Variants in DNER observed in about 807,000 individuals in gnomAD.
DNER encodes the protein delta/notch like EGF repeat containing.
A neutral mutation model predicts 78.2 loss-of-function variants in DNER; 33 were observed. The ratio of observed to expected loss-of-function variants is 0.42; its 90% CI spans 0.32 to 0.56. DNER has a LOEUF of 0.56. Among genes scored for constraint, DNER ranks in the 20% least tolerant of loss-of-function variants. The probability of loss-of-function intolerance (pLI) is 0.11; values close to 1 mark genes in which losing one functional copy is unlikely to be tolerated. For missense variants in DNER, 918 were observed against 975.3 expected (o/e 0.94, Z 0.78); for synonymous variants, 417 against 384.8 (o/e 1.08, Z -0.98).
In DNER at chr2:229,362,604, G is replaced by C. The variant is rs75598853; in HGVS notation, c.2103-3953C>G. 5.1e-3 allele frequency among the ~76,000 whole-genome samples: 777 copies of C among 152,250 alleles called. 5 individuals carry two copies. Among genetic ancestry groups the C allele is most frequent in the Non-Finnish European group, 9.0e-3 (610 of 68,014 alleles). On this transcript the variant is annotated intron_variant, in intron 12 of 12. Coordinates refer to ENST00000341772, the MANE Select transcript of DNER (RefSeq NM_139072.4). ...ATCTCACTAAGCCCAAATTTCTTTT[G>C]CCTATAATGGGGGACTAATGATACA...
At chr2:229,437,688 G>C (rs1375092431) in intron 8 of DNER, among the ~76,000 whole-genome samples, 2 of 152,076 alleles carry the variant, frequency 1.3e-5, no homozygotes, top group Non-Finnish European at 2.9e-5. Flanking sequence ...CAGTCTTGTG[G>C]GAAGGCGTGC....
chr2:229,589,630 T>C (rs1242368490), intron 2 of DNER, among the ~76,000 whole-genome samples: 1 of 152,208 alleles, frequency 6.6e-6, no homozygotes. Flanking sequence ...CCTTTTTTTC[T>C]TTTTTACACT....
intron 1 of DNER, among the ~76,000 whole-genome samples, chr2:229,642,073 A>G (rs1002865925): frequency 2.6e-5 from 4 of 152,346 alleles, no homozygotes; most frequent in East Asian, 1.9e-4. Flanking sequence ...TCTCACTTGT[A>G]TCACTTTTAA....
chr2:229,514,276 G>A (rs904519337), intron 5 of DNER, among the ~76,000 whole-genome samples: 1 of 152,220 alleles, frequency 6.6e-6, no homozygotes. Context: ...AGAGTTTTTA[G>A]TTGATTTCCA....
intron 1 of DNER, among the ~76,000 whole-genome samples, chr2:229,596,323 C>A (rs1170347275): frequency 6.6e-6 from 1 of 152,218 alleles, no homozygotes; most frequent in East Asian, 1.9e-4. Flanking sequence ...AAGGCGGAGC[C>A]TTAAATGTCC....
At chr2:229,461,182 C>T (rs1694692367) in intron 7 of DNER, among the ~76,000 whole-genome samples, 3 of 152,034 alleles carry the variant, frequency 2.0e-5, no homozygotes, top group African/African-American at 7.3e-5. Context: ...TTCTCCTTTC[C>T]CTCCTTCTCT....
intron 10 of DNER, among the ~76,000 whole-genome samples, chr2:229,395,122 G>A (rs907013072): frequency 6.6e-6 from 1 of 152,134 alleles, no homozygotes; most frequent in Non-Finnish European, 1.5e-5. Flanking sequence ...TGCGTTACCT[G>A]ATCTGTTTGG....
chr2:229,686,820 C>G (rs1476960948), intron 1 of DNER, among the ~76,000 whole-genome samples: 1 of 152,208 alleles, frequency 6.6e-6, no homozygotes, highest in Non-Finnish European at 1.5e-5. Flanking sequence ...AAATTCCCAT[C>G]AAACCAACAT....
At chr2:229,522,285 A>G (rs535144344) in intron 5 of DNER, among the ~76,000 whole-genome samples, 9 of 152,322 alleles carry the variant, frequency 5.9e-5, no homozygotes, top group African/African-American at 1.9e-4. Flanking sequence ...GGCAGAATGG[A>G]GATGTTCAAA....
At chr2:229,539,834 A>T (rs890315797) in intron 5 of DNER, among the ~76,000 whole-genome samples, 20 of 152,164 alleles carry the variant, frequency 1.3e-4, no homozygotes, top group African/African-American at 4.6e-4. Flanking sequence ...GCTCTCAGAA[A>T]TGTACTTGCA....
chr2:229,646,301 G>A (rs1698717483), intron 1 of DNER, among the ~76,000 whole-genome samples: 1 of 152,198 alleles, frequency 6.6e-6, no homozygotes, highest in Non-Finnish European at 1.5e-5. Flanking sequence ...AGAAAAAAAT[G>A]TGTAATAAAT....
intron 9 of DNER, among the ~76,000 whole-genome samples, chr2:229,413,321 C>CTT (rs398061160): frequency 0.046 from 3,103 of 67,588 alleles, 349 homozygotes; most frequent in African/African-American, 0.15. Context: ...TTTTCTTCTT[C>CTT]TTTTTTTTTT....
chr2:229,576,328 C>CTTTTT (rs61419138), intron 4 of DNER, among the ~76,000 whole-genome samples: 1 of 118,114 alleles, frequency 8.5e-6, no homozygotes, highest in African/African-American at 3.0e-5. Flanking sequence ...GTTTCTCTCT[C>CTTTTT]TTTTTTTTTT....
At chr2:229,444,445 C>G (rs1474497374) in intron 8 of DNER, among the ~76,000 whole-genome samples, 1 of 152,150 alleles carries the variant, frequency 6.6e-6, no homozygotes. Flanking sequence ...CTCTCGGCTG[C>G]CTCTCCCAAT....
intron 6 of DNER, among the ~76,000 whole-genome samples, chr2:229,489,361 G>A (rs1033704482): frequency 3.9e-5 from 6 of 152,180 alleles, no homozygotes; most frequent in East Asian, 3.9e-4. Flanking sequence ...CATAATGGCC[G>A]AGCTTCCAGC....
chr2:229,710,990 C>CACAT (rs1699904294), intron 1 of DNER, among the ~76,000 whole-genome samples: 1 of 149,820 alleles, frequency 6.7e-6, no homozygotes, highest in Non-Finnish European at 1.5e-5. Flanking sequence ...CGCGCACACA[C>CACAT]ACACACACAC....
intron 4 of DNER, among the ~76,000 whole-genome samples, chr2:229,576,929 A>C (rs1697314083): frequency 1.3e-5 from 2 of 152,132 alleles, no homozygotes; most frequent in Admixed American, 6.5e-5. Context: ...TGGCCTTGGT[A>C]TCTAAGAAGA....
At chr2:229,713,878 T>C (rs1699947893) in intron 1 of DNER, among the ~76,000 whole-genome samples, 1 of 151,426 alleles carries the variant, frequency 6.6e-6, no homozygotes, top group Admixed American at 6.6e-5. Context: ...AACCGGAGCG[T>C]CTAGAGCCCC....
At chr2:229,505,804 T>C (rs17677094) in intron 6 of DNER, among the ~76,000 whole-genome samples, 2,611 of 152,318 alleles carry the variant, frequency 0.017, 134 homozygotes, top group East Asian at 0.16. Context: ...TTGAAACTTG[T>C]TTAGACTGTG....
Sources: gnomAD v4.1 joint callset for allele counts (sites outside exome capture counted in the v4.1 genomes callset) on GRCh38, gnomAD v4.1.1 for gene constraint, MANE v1.5 for transcripts, NCBI Gene and HGNC (gene_info 2026-07-23, HGNC 2026-07-21) for gene names.